Variants in ETFA observed in about 807,000 individuals in gnomAD.
ETFA encodes the protein electron transfer flavoprotein subunit alpha.
Under a neutral mutation model 46.2 loss-of-function variants are expected in ETFA, and 22 were observed. The observed-to-expected ratio is 0.48, with a 90% CI of 0.34 to 0.68. ETFA has a LOEUF of 0.68. Ranked by LOEUF, ETFA falls within the 30% of genes least tolerant of loss-of-function variation. ETFA has a pLI of 0.01. For synonymous variants in ETFA, 131 were observed against 139.9 expected (o/e 0.94, Z 0.45); for missense variants, 345 against 401.1 (o/e 0.86, Z 1.19).
At chr15:76,272,833 C>T (rs1238123013) in intron 9 of ETFA, among the ~76,000 whole-genome samples, 6 of 83,678 alleles carry the variant, frequency 7.2e-5, no homozygotes, top group South Asian at 3.4e-4. Context: ...TATATATATG[C>T]GCATGTGTGC....
chr15:76,273,014 G>A (rs2141514411), intron 9 of ETFA, among the ~76,000 whole-genome samples: 1 of 151,850 alleles, frequency 6.6e-6, no homozygotes, highest in African/African-American at 2.4e-5. Flanking sequence ...CTTCTTTTCT[G>A]ACTTCAAGTA....
chr15:76,285,568 A>G, intron 7 of ETFA, 69 bp downstream of exon 7: 2 of 897,998 alleles, frequency 2.2e-6, no homozygotes, highest in Non-Finnish European at 3.7e-6. Flanking sequence ...TCTAAAATAA[A>G]TACTAAAAAT....
intron 9 of ETFA, among the ~76,000 whole-genome samples, chr15:76,244,734 C>T (rs1258080411): frequency 6.6e-6 from 1 of 151,586 alleles, no homozygotes; most frequent in Non-Finnish European, 1.5e-5. Context: ...TTCAAGTTAC[C>T]ACACCAACAC....
rs758555036 is a variant in ETFA, at chr15:76,292,495, A to G, written c.287T>C (p.Ile96Thr). The G allele has an allele frequency of 2.5e-6, 4 of 1,613,516 alleles. No homozygotes were observed. In the South Asian group the frequency reaches 3.3e-5, roughly 13 times the overall value. ...GLLPEELTPL[I>T]LATQKQFNYT... is the part of the protein sequence containing the mutation. ...ATTGAACTGCTTCTGAGTTGCCAAA[A>G]TCAATGGTGTCAGTTCCTCTGAGAA... is the stretch of plus-strand genomic sequence containing the variant. The change falls in exon 4 of 12, where the codon ATT becomes ACT. Residue 96 changes from isoleucine to threonine, a missense_variant. By Grantham distance (89) the Ile-to-Thr change is moderately conservative (BLOSUM62 -1). Transcript: ENST00000557943.
At chr15:76,271,230 C>T (rs761553513) in intron 9 of ETFA, among the ~76,000 whole-genome samples, 1 of 149,654 alleles carries the variant, frequency 6.7e-6, no homozygotes, top group Non-Finnish European at 1.5e-5. Flanking sequence ...TTTCAAAGTA[C>T]CTCCATATAA....
chr15:76,246,822 A>G (rs1355877720), intron 9 of ETFA, among the ~76,000 whole-genome samples: 2 of 151,914 alleles, frequency 1.3e-5, no homozygotes, highest in African/African-American at 4.8e-5. Context: ...TACGGAGCCA[A>G]GACTCCGTCT....
intron 5 of ETFA, 144 bp downstream of exon 5, chr15:76,287,702 T>C (rs2039716001): frequency 4.8e-6 from 3 of 629,480 alleles, no homozygotes; most frequent in South Asian, 3.6e-5. Context: ...CCAGCAATTC[T>C]AGACTAAAAT....
At chr15:76,304,681 TG>T (rs2039920069) in intron 1 of ETFA, among the ~76,000 whole-genome samples, 1 of 137,686 alleles carries the variant, frequency 7.3e-6, no homozygotes, top group Non-Finnish European at 1.6e-5. Context: ...AAAAAAAAAT[TG>T]GGGGAAAAAA....
intron 11 of ETFA, among the ~76,000 whole-genome samples, chr15:76,220,697 T>C (rs2038948351): frequency 6.6e-6 from 1 of 152,114 alleles, no homozygotes; most frequent in Non-Finnish European, 1.5e-5. Context: ...AAACAAAATA[T>C]ACAAATGGCC....
At chr15:76,239,057 G>A (rs1485470833) in intron 9 of ETFA, among the ~76,000 whole-genome samples, 1 of 152,172 alleles carries the variant, frequency 6.6e-6, no homozygotes, top group Non-Finnish European at 1.5e-5. Context: ...AGTCATCACA[G>A]CTATATGTAC....
At chr15:76,263,076 A>G (rs1230344428) in intron 9 of ETFA, among the ~76,000 whole-genome samples, 1 of 152,158 alleles carries the variant, frequency 6.6e-6, no homozygotes, top group Non-Finnish European at 1.5e-5. Context: ...TTTCAAAGAA[A>G]ATGCTACACC....
At chr15:76,309,364 T>C (rs1596231110) in intron 1 of ETFA, among the ~76,000 whole-genome samples, 1 of 152,174 alleles carries the variant, frequency 6.6e-6, no homozygotes, top group Non-Finnish European at 1.5e-5. Flanking sequence ...GGCAGGAGAA[T>C]GGCGTGAACC....
Position 76,311,448 on chromosome 15 carries a change from C to G in ETFA, c.-60G>C. On this transcript the variant is annotated 5_prime_UTR_variant, in exon 1 of 12. Coordinates refer to ENST00000557943, the MANE Select transcript of ETFA (RefSeq NM_000126.4). ...CAGCCCCGTGCCCGGCCAACTGGCG[C>G]CGCCTCAGCCAGTCACCTAATGCTC... is the stretch of plus-strand genomic sequence containing the variant. The G allele has an allele frequency of 1.3e-6, 2 of 1,535,206 alleles. No homozygotes were observed. Among genetic ancestry groups the G allele is most frequent in the Non-Finnish European group, 1.8e-6 (2 of 1,139,568 alleles).
intron 4 of ETFA, among the ~76,000 whole-genome samples, chr15:76,289,911 T>A (rs758444206): frequency 6.6e-6 from 1 of 152,308 alleles, no homozygotes; most frequent in South Asian, 2.1e-4. Flanking sequence ...ACAAACACCC[T>A]TTCATGGTCT....
chr15:76,246,022 T>C (rs976990518), intron 9 of ETFA, among the ~76,000 whole-genome samples: 1 of 152,218 alleles, frequency 6.6e-6, no homozygotes, highest in Non-Finnish European at 1.5e-5. Flanking sequence ...TACCTGTTCA[T>C]AATTTCAAAA....
chr15:76,265,938 G>A (rs926226913), intron 9 of ETFA, among the ~76,000 whole-genome samples: 45 of 152,116 alleles, frequency 3.0e-4, no homozygotes, highest in African/African-American at 1.0e-3. Context: ...CTCTTGTTTG[G>A]CTAACTGCCA....
chr15:76,265,748 C>T (rs1014761892), intron 9 of ETFA, among the ~76,000 whole-genome samples: 1 of 152,058 alleles, frequency 6.6e-6, no homozygotes, highest in African/African-American at 2.4e-5. Flanking sequence ...AATATCTATT[C>T]CTATGGATCA....
chr15:76,263,681 C>A (rs909662055), intron 9 of ETFA, among the ~76,000 whole-genome samples: 1 of 151,984 alleles, frequency 6.6e-6, no homozygotes, highest in Non-Finnish European at 1.5e-5. Context: ...AAAGACAGAG[C>A]AAAAATTCCA....
intron 9 of ETFA, among the ~76,000 whole-genome samples, chr15:76,243,355 C>T (rs5012144): frequency 0.28 from 43,105 of 151,674 alleles, 6,551 homozygotes; most frequent in East Asian, 0.57. Context: ...CACTAGAAAC[C>T]TTGACAGAAA....
Sources: gnomAD v4.1 joint callset for allele counts (sites outside exome capture counted in the v4.1 genomes callset) on GRCh38, gnomAD v4.1.1 for gene constraint, MANE v1.5 for transcripts, NCBI Gene and HGNC (gene_info 2026-07-23, HGNC 2026-07-21) for gene names.